STK39: variants seen among roughly 807,000 people sequenced by gnomAD.
STK39 encodes the protein STE20/SPS1-related proline-alanine-rich protein kinase.
In STK39, 20 loss-of-function variants were observed where a neutral mutation model predicts 77.8. The observed-to-expected ratio is 0.26, with a 90% CI of 0.18 to 0.37. STK39 has a LOEUF of 0.37. Ranked by LOEUF, STK39 falls within the 10% of genes least tolerant of loss-of-function variation. STK39 has a pLI of 1.00. For missense variants in STK39, 479 were observed against 656.5 expected, an observed-to-expected ratio of 0.73 and a Z score of 2.95; for synonymous variants, 246 against 234.1, an observed-to-expected ratio of 1.05 and a Z score of -0.47.
intron 16 of STK39, among the ~76,000 whole-genome samples, chr2:167,979,125 C>G (rs986426963): frequency 7.2e-5 from 11 of 152,090 alleles, no homozygotes; most frequent in Non-Finnish European, 1.3e-4. Context: ...TACAAAAAAG[C>G]TGTTATTAAC....
intron 14 of STK39, among the ~76,000 whole-genome samples, chr2:168,058,077 C>A (rs1448645906): frequency 6.6e-6 from 1 of 152,130 alleles, no homozygotes; most frequent in Non-Finnish European, 1.5e-5. Context: ...CAGTTTTGAT[C>A]CCTTGTGTTG....
chr2:168,096,994 G>A (rs1306073066), intron 10 of STK39, among the ~76,000 whole-genome samples: 1 of 152,076 alleles, frequency 6.6e-6, no homozygotes, highest in Non-Finnish European at 1.5e-5. Flanking sequence ...CTGTTCTATG[G>A]CCCTTTCTTA....
chr2:168,041,625 C>A (rs1028381979), intron 14 of STK39, among the ~76,000 whole-genome samples: 3 of 152,142 alleles, frequency 2.0e-5, no homozygotes, highest in Non-Finnish European at 4.4e-5. Flanking sequence ...CCTAAGAATT[C>A]CCTTCAGTCA....
chr2:167,964,636 CCTT>C (rs1247727369), intron 17 of STK39, 23 bp downstream of exon 17: 1 of 1,588,428 alleles, frequency 6.3e-7, no homozygotes, highest in Non-Finnish European at 8.6e-7. Flanking sequence ...AATATTACCT[CCTT>C]CTTTCCATAA....
chr2:168,165,481 G>A (rs1444759887), intron 3 of STK39, among the ~76,000 whole-genome samples: 22 of 152,226 alleles, frequency 1.4e-4, no homozygotes, highest in Non-Finnish European at 7.4e-5. Flanking sequence ...AATGCCTTAA[G>A]ATCATCTTGT....
At chr2:168,127,828 G>T (rs1168385290) in intron 10 of STK39, among the ~76,000 whole-genome samples, 2 of 152,178 alleles carry the variant, frequency 1.3e-5, no homozygotes, top group Non-Finnish European at 2.9e-5. Context: ...TATTGCAATT[G>T]TCCAGTTAAA....
intron 1 of STK39, among the ~76,000 whole-genome samples, chr2:168,232,559 T>C (rs1219616183): frequency 1.3e-5 from 2 of 152,204 alleles, no homozygotes; most frequent in African/African-American, 4.8e-5. Context: ...ATAAAGACTG[T>C]TTAAGCAAAA....
At chr2:168,026,048 A>T (rs1684690656) in intron 14 of STK39, among the ~76,000 whole-genome samples, 1 of 152,202 alleles carries the variant, frequency 6.6e-6, no homozygotes, top group Admixed American at 6.5e-5. Flanking sequence ...GTGTGAAAAC[A>T]CTGTATGAAC....
chr2:168,035,907 A>G (rs1369500541), intron 14 of STK39, among the ~76,000 whole-genome samples: 1 of 152,186 alleles, frequency 6.6e-6, no homozygotes, highest in Non-Finnish European at 1.5e-5. Flanking sequence ...CTCGAACATA[A>G]CACATTGTAA....
At chr2:168,143,712 C>CAA (rs3063798) in intron 5 of STK39, among the ~76,000 whole-genome samples, 2 of 139,516 alleles carry the variant, frequency 1.4e-5, no homozygotes, top group East Asian at 2.0e-4. Context: ...GACTTTGTCT[C>CAA]AAAAAAAAAA....
At chr2:168,196,207 T>C (rs1227574660) in intron 1 of STK39, among the ~76,000 whole-genome samples, 2 of 152,250 alleles carry the variant, frequency 1.3e-5, no homozygotes, top group African/African-American at 2.4e-5. Context: ...TTACATCTTA[T>C]ACAATAATGA....
At position 168,210,030 on chromosome 2, in the gene STK39, AAAGGAAGGAAGGAAGGAAGG is replaced by A. The variant is rs764085860; in HGVS notation, c.209-27960_209-27941del. Among the ~76,000 whole-genome samples, 449 of 110,110 alleles carry A rather than the reference AAAGGAAGGAAGGAAGGAAGG, an allele frequency of 4.1e-3. 3 individuals are homozygous for A. Among genetic ancestry groups the A allele is most frequent in the African/African-American group, 0.017 (422 of 24,786 alleles). The allele number at this position is 110,110 out of a possible 152,430, so 72.2% of individuals were successfully genotyped here. ...AAAAAAAATAGGAAAGAAAGGAAAG[AAAGGAAGGAAGGAAGGAAGG>A]AAGGAAGGAAGGAAGGAAGGAAGGA... On this transcript the variant is annotated intron_variant, in intron 1 of 17. Transcript: ENST00000355999.
At chr2:168,219,626 C>T (rs1251966100) in intron 1 of STK39, among the ~76,000 whole-genome samples, 1 of 152,090 alleles carries the variant, frequency 6.6e-6, no homozygotes, top group Non-Finnish European at 1.5e-5. Flanking sequence ...ACTTTTTCTC[C>T]AAGTGGTCTG....
chr2:168,126,982 A>T (rs773107022), intron 10 of STK39, among the ~76,000 whole-genome samples: 2 of 152,190 alleles, frequency 1.3e-5, no homozygotes, highest in Non-Finnish European at 2.9e-5. Flanking sequence ...GGGATGGATG[A>T]TGGAACAAGA....
At position 168,195,470 on chromosome 2, in the gene STK39, C is replaced by A. The variant is rs13422057; in HGVS notation, c.209-13380G>T. Among the ~76,000 whole-genome samples the A allele has an allele frequency of 1.7e-3, 265 of 152,292 alleles. 1 individual carries two copies. The highest frequency in any genetic ancestry group is 5.8e-3 in the African/African-American group (240 of 41,556). ...ATTTGCTGCCAAGATAATTCTCCTG[C>A]ACATAATTTAATAAAGTCTGGTCGG... On this transcript the variant is annotated intron_variant, in intron 1 of 17. Transcript: ENST00000355999.
At position 168,098,615 on chromosome 2, in the gene STK39, T is replaced by C. The variant is rs547704562; in HGVS notation, c.1090-23384A>G. 5.6e-4 allele frequency among the ~76,000 whole-genome samples: 85 copies of C among 152,326 alleles called. 1 individual carries two copies. Among genetic ancestry groups the C allele is most frequent in the Admixed American group, 2.6e-4 (4 of 15,304 alleles). On this transcript the variant is annotated intron_variant, in intron 10 of 17. Coordinates refer to ENST00000355999, the MANE Select transcript of STK39 (RefSeq NM_013233.3). ...GAACTGTGCTATCCCCTGCTTTTAT[T>C]TTCTGCTCCCATTTTTGCCATCTGC...
chr2:168,075,050 C>T (rs749324001), intron 11 of STK39, 39 bp from the exon 12 acceptor site: 21 of 1,613,918 alleles, frequency 1.3e-5, no homozygotes, highest in South Asian at 3.3e-5. Flanking sequence ...TATATACACA[C>T]ACACAATCAC....
intron 10 of STK39, among the ~76,000 whole-genome samples, chr2:168,110,069 T>A (rs1322562844): frequency 1.3e-5 from 2 of 152,202 alleles, no homozygotes; most frequent in African/African-American, 4.8e-5. Context: ...GTCTTTTCTT[T>A]TATAGATAGA....
chr2:168,125,719 A>C lies in STK39; in HGVS notation c.1089+3822T>G, dbSNP rs577816914. Among the ~76,000 whole-genome samples, 14 of 152,092 alleles carry C rather than the reference A, an allele frequency of 9.2e-5. No homozygotes were observed. The South Asian group carries it at 1.7e-3, about 18-fold the overall frequency. ...CAGTTTCTACAATTACCACACACCC[A>C]AAAAAAATGTTTTGCATACTAAATT... On this transcript the variant is annotated intron_variant, in intron 10 of 17. Coordinates refer to ENST00000355999, the MANE Select transcript of STK39 (RefSeq NM_013233.3).
Sources: gnomAD v4.1 joint callset for allele counts (sites outside exome capture counted in the v4.1 genomes callset) on GRCh38, gnomAD v4.1.1 for gene constraint, MANE v1.5 for transcripts, NCBI Gene and HGNC (gene_info 2026-07-23, HGNC 2026-07-21) for gene names.